INVS: variants seen among roughly 807,000 people sequenced by gnomAD.
The protein encoded by INVS is inversin.
INVS carries 86 observed loss-of-function variants against 108.8 expected under a neutral mutation model. That is an observed-to-expected ratio of 0.79 (90% CI 0.66 to 0.95). The LOEUF (loss-of-function observed/expected upper bound fraction) is 0.95, where lower values mean the gene tolerates loss of function less well. Among genes scored for constraint, INVS ranks in the 40% least tolerant of loss-of-function variants. INVS has a pLI of 0.00. For synonymous variants in INVS, 455 were observed against 473.5 expected (o/e 0.96, Z 0.51); for missense variants, 1,169 against 1,297.4 (o/e 0.90, Z 1.52).
intron 2 of INVS, among the ~76,000 whole-genome samples, chr9:100,108,712 A>T (rs192144554): frequency 1.4e-4 from 22 of 152,176 alleles, no homozygotes; most frequent in African/African-American, 5.3e-4. Flanking sequence ...CTCTGTTTCC[A>T]TGGAGAAGTA....
chr9:100,208,794 A>G (rs1228367375), intron 3 of INVS, among the ~76,000 whole-genome samples: 1 of 152,230 alleles, frequency 6.6e-6, no homozygotes, highest in Non-Finnish European at 1.5e-5. Context: ...AGAACAGGCT[A>G]CACAGATTAT....
rs1388246960 is a variant in INVS at position 100,300,858 on chromosome 9, T to C, written c.*184T>C. 8 of 633,480 alleles carry C rather than the reference T, an allele frequency of 1.3e-5. No homozygotes were observed. The highest frequency in any genetic ancestry group is 2.8e-4 in the Middle Eastern group (1 of 3,624). The allele number at this position is 633,480 out of a possible 1,614,324, so 39.2% of individuals were successfully genotyped here. On this transcript the variant is annotated 3_prime_UTR_variant, in exon 17 of 17. Coordinates refer to ENST00000262457, the MANE Select transcript of INVS (RefSeq NM_014425.5). ...GTTTCCTTTCTGCTCTTACACAGCA[T>C]TGTTTTGTCAATCAACACAGCCTGC...
At chr9:100,204,029 A>G (rs1338122) in intron 3 of INVS, among the ~76,000 whole-genome samples, 2,077 of 152,300 alleles carry the variant, frequency 0.014, 35 homozygotes, top group African/African-American at 0.048. Context: ...ATTTAAGGAA[A>G]CAGTGATCTG....
At position 100,240,090 on chromosome 9, in the gene INVS, T is replaced by G. The variant is rs1446856893; in HGVS notation, c.646T>G (p.Trp216Gly). ...DAAPTESLLNWQDYEGRTPLH... is the reference protein window; with the variant it reads ...DAAPTESLLNGQDYEGRTPLH... ...TGCTCCAACAGAGTCTTTACTGAACTGGCAAGACTACGAGGGTCGAACTCC... is the reference window on the plus strand; with the variant it reads ...TGCTCCAACAGAGTCTTTACTGAACGGGCAAGACTACGAGGGTCGAACTCC... Residue 216 changes from tryptophan (W) to glycine (G), a missense_variant, in exon 6 of 17, where the codon TGG becomes GGG. Physicochemically the swap from Trp to Gly is radical, Grantham distance 184. Transcript: ENST00000262457. 1.4e-5 allele frequency: 23 copies of G among 1,614,072 alleles called. No individual in the cohort carries two copies. The highest frequency in any genetic ancestry group is 1.9e-5 in the Non-Finnish European group (23 of 1,180,018).
intron 13 of INVS, among the ~76,000 whole-genome samples, 156 bp downstream of exon 13, chr9:100,284,759 G>C (rs1833385381): frequency 6.6e-6 from 1 of 152,106 alleles, no homozygotes; most frequent in East Asian, 1.9e-4. Context: ...CTGGTTCTCA[G>C]TTCTTTTTCT....
chr9:100,278,261 G>A (rs1160728399), intron 12 of INVS, among the ~76,000 whole-genome samples: 1 of 138,904 alleles, frequency 7.2e-6, no homozygotes, highest in Non-Finnish European at 1.5e-5. Context: ...AAAAATTTAT[G>A]TGAGGAGCTG....
intron 5 of INVS, among the ~76,000 whole-genome samples, chr9:100,239,412 T>C (rs1478725339): frequency 6.6e-6 from 1 of 152,198 alleles, no homozygotes; most frequent in Admixed American, 6.6e-5. Flanking sequence ...AAAATTTATA[T>C]ATTGTTTATG....
At chr9:100,175,222 A>G (rs1289550488) in intron 3 of INVS, 1 of 576,766 alleles carries the variant, frequency 1.7e-6, no homozygotes, top group African/African-American at 1.9e-5. Context: ...CTTGCTCTGA[A>G]GCATCCAACT....
At chr9:100,230,045 T>C (rs1053950934) in intron 5 of INVS, among the ~76,000 whole-genome samples, 21 of 152,258 alleles carry the variant, frequency 1.4e-4, no homozygotes, top group Admixed American at 1.3e-3. Context: ...AACGCATTCA[T>C]TCCCCCTACG....
chr9:100,161,237 G>A (rs1373419463), intron 3 of INVS, among the ~76,000 whole-genome samples: 1 of 150,236 alleles, frequency 6.7e-6, no homozygotes, highest in Non-Finnish European at 1.5e-5. Context: ...TTAGCTGGGT[G>A]TGGTGGTGGG....
intron 3 of INVS, among the ~76,000 whole-genome samples, chr9:100,163,186 A>AT (rs556149756): frequency 0.45 from 59,116 of 131,808 alleles, 14,112 homozygotes; most frequent in East Asian, 0.89. Flanking sequence ...TGTTCTTTCT[A>AT]TTTTTTTTTT....
chr9:100,159,216 G>A (rs1564137643), intron 3 of INVS, among the ~76,000 whole-genome samples: 1 of 152,134 alleles, frequency 6.6e-6, no homozygotes, highest in Non-Finnish European at 1.5e-5. Flanking sequence ...AAACAAAATG[G>A]TATGGAAAGA....
chr9:100,233,490 G>A (rs145159364), intron 5 of INVS, among the ~76,000 whole-genome samples: 41 of 152,260 alleles, frequency 2.7e-4, no homozygotes, highest in African/African-American at 9.9e-4. Context: ...AATTCATTAT[G>A]ATATTGGCTG....
chr9:100,113,476 A>G (rs1488650100), intron 2 of INVS, among the ~76,000 whole-genome samples: 1 of 152,214 alleles, frequency 6.6e-6, no homozygotes, highest in Non-Finnish European at 1.5e-5. Context: ...ATCCAAGATT[A>G]AAATATATGT....
In INVS at chr9:100,203,501, CTTTTT is replaced by C. The variant is rs34618293; in HGVS notation, c.274-22546_274-22542del. On this transcript the variant is annotated intron_variant, in intron 3 of 16. Transcript: ENST00000262457. ...TTACTGCAGCATTTCCCAAAGCTTC[CTTTTT>C]TTTTTTTTTTTTTTGAAACAGAGTC... Among the ~76,000 whole-genome samples the C allele has an allele frequency of 4.1e-5, 5 of 123,126 alleles. No individual in the cohort carries two copies. In the Admixed American group the frequency reaches 4.3e-4, roughly 11 times the overall value. 80.8% of individuals were successfully genotyped at this position (123,126 alleles called of 152,430 possible).
intron 7 of INVS, among the ~76,000 whole-genome samples, chr9:100,244,004 T>G (rs562503978): frequency 2.6e-5 from 4 of 152,112 alleles, no homozygotes; most frequent in African/African-American, 9.6e-5. Context: ...GAGCAAGACT[T>G]CATCTCAAAA....
intron 2 of INVS, among the ~76,000 whole-genome samples, chr9:100,118,009 A>C (rs1013459215): frequency 2.0e-5 from 3 of 151,952 alleles, no homozygotes; most frequent in African/African-American, 7.3e-5. Flanking sequence ...TCAGACTTCT[A>C]GCCTCCAGAA....
rs753348470 is a variant in INVS, at chr9:100,253,124, TC to T, written c.1453del (p.Gln485LysfsTer25). On this transcript the variant is annotated frameshift_variant, in exon 10 of 17. Transcript: ENST00000262457. LOFTEE classifies it high-confidence loss of function. ...TGGAAAACAATGCAGACCCTAACAT[TC>T]AAGACAAAGAGGTAGAAATTCTGTC... ...LMENNADPNI[Q>X]DKEGRTALHW... The T allele has an allele frequency of 8.9e-5, 143 of 1,612,024 alleles. No homozygotes were observed. Among genetic ancestry groups the T allele is most frequent in the Admixed American group, 2.2e-4 (13 of 59,992 alleles).
At chr9:100,155,958 A>G (rs766781529) in intron 3 of INVS, among the ~76,000 whole-genome samples, 18 of 152,220 alleles carry the variant, frequency 1.2e-4, no homozygotes, top group Non-Finnish European at 2.2e-4. Flanking sequence ...CCTAGAAGTA[A>G]TGACTAACCC....
Sources: allele counts gnomAD v4.1 joint callset (sites outside exome capture counted in the v4.1 genomes callset), GRCh38; gene constraint gnomAD v4.1.1; transcripts MANE v1.5; gene names NCBI Gene and HGNC (gene_info 2026-07-23, HGNC 2026-07-21).